The following MGAT4A variants were observed in gnomAD, a reference collection of about 807,000 sequenced individuals.
MGAT4A encodes alpha-1,3-mannosyl-glycoprotein 4-beta-N-acetylglucosaminyltransferase A.
MGAT4A carries 33 observed loss-of-function variants against 74.1 expected under a neutral mutation model. That is an observed-to-expected ratio of 0.45 (90% CI 0.34 to 0.60). The LOEUF (loss-of-function observed/expected upper bound fraction) is 0.60, where lower values mean the gene tolerates loss of function less well. Among genes scored for constraint, MGAT4A ranks in the 20% least tolerant of loss-of-function variants. The probability of loss-of-function intolerance (pLI) is 0.02; values close to 1 mark genes in which losing one functional copy is unlikely to be tolerated. For missense variants in MGAT4A, 479 were observed against 628.3 expected (o/e 0.76, Z 2.54); for synonymous variants, 198 against 210.4 (o/e 0.94, Z 0.51).
intron 8 of MGAT4A, among the ~76,000 whole-genome samples, chr2:98,653,718 T>G (rs75528547): frequency 0.016 from 2,371 of 152,288 alleles, 32 homozygotes; most frequent in Non-Finnish European, 0.024. Flanking sequence ...ACCAGAGAAC[T>G]TCACTGGAAA....
At chr2:98,704,583 G>A (rs901328826) in intron 2 of MGAT4A, among the ~76,000 whole-genome samples, 2 of 152,014 alleles carry the variant, frequency 1.3e-5, no homozygotes, top group Admixed American at 1.3e-4. Flanking sequence ...CCTCCAGCTT[G>A]GGACAGAGTG....
chr2:98,713,870 AATAAC>A (rs1486927668), intron 2 of MGAT4A, among the ~76,000 whole-genome samples: 2 of 152,256 alleles, frequency 1.3e-5, no homozygotes, highest in Non-Finnish European at 2.9e-5. Context: ...ATTATAAATA[AATAAC>A]ATAACCACAC....
Position 98,709,806 on chromosome 2 carries a change from C to T in MGAT4A, c.94+16433G>A, listed in dbSNP as rs1318558015. Among the ~76,000 whole-genome samples the T allele has an allele frequency of 2.4e-4, 37 of 152,146 alleles. 1 individual carries two copies. Among genetic ancestry groups the T allele is most frequent in the Admixed American group, 2.2e-3 (34 of 15,278 alleles). The stretch of plus-strand genomic sequence containing the variant: ...ATTCAAGCCATGACTGGCCATCTGC[C>T]ACAGCATAAAGCAAGAGATAAACTA... On this transcript the variant is annotated intron_variant, in intron 2 of 15. Transcript: ENST00000393487.
chr2:98,698,896 T>G (rs985894514), intron 2 of MGAT4A, among the ~76,000 whole-genome samples: 3 of 152,232 alleles, frequency 2.0e-5, no homozygotes, highest in Non-Finnish European at 2.9e-5. Context: ...TTTTATCTTG[T>G]TAACTACACT....
chr2:98,645,343 T>A, intron 9 of MGAT4A, 85 bp downstream of exon 9: 1 of 1,001,390 alleles, frequency 1.0e-6, no homozygotes. Flanking sequence ...AAAAAAGACA[T>A]CTTTAGGACA....
intron 13 of MGAT4A, among the ~76,000 whole-genome samples, chr2:98,636,079 A>G (rs1223315827): frequency 6.7e-6 from 1 of 149,304 alleles, no homozygotes; most frequent in Non-Finnish European, 1.5e-5. Context: ...TGCAACCTCC[A>G]CCTCCCAGGT....
Position 98,619,596 on chromosome 2 carries a change from T to C in MGAT4A, c.*5970A>G, listed in dbSNP as rs1701015835. The C allele has an allele frequency of 6.6e-6, 1 of 152,196 alleles. No homozygotes were observed. Among genetic ancestry groups the C allele is most frequent in the South Asian group, 2.1e-4 (1 of 4,836 alleles). 9.4% of individuals were successfully genotyped at this position (152,196 alleles called of 1,614,324 possible). On this transcript the variant is annotated 3_prime_UTR_variant, in exon 16 of 16. Coordinates refer to ENST00000393487, the MANE Select transcript of MGAT4A (RefSeq NM_012214.3). Reference sequence around the variant, plus strand: ...TTACTGCCTACACTGAAATGAAAAGTATCAAATCTACTGGCAGTGCATCTT... The same window carrying C: ...TTACTGCCTACACTGAAATGAAAAGCATCAAATCTACTGGCAGTGCATCTT...
chr2:98,721,750 G>A (rs2104335970), intron 2 of MGAT4A, among the ~76,000 whole-genome samples: 1 of 151,836 alleles, frequency 6.6e-6, no homozygotes, highest in East Asian at 1.9e-4. Flanking sequence ...ATACTCAAAA[G>A]TAGTGAAAAA....
intron 7 of MGAT4A, 40 bp downstream of exon 7, chr2:98,656,312 C>T (rs747560168): frequency 7.8e-7 from 1 of 1,277,230 alleles, no homozygotes; most frequent in South Asian, 1.3e-5. Flanking sequence ...TAAATATTTA[C>T]ACTCACAAGT....
chr2:98,644,729 G>A (rs891544986), intron 9 of MGAT4A, among the ~76,000 whole-genome samples: 2 of 151,520 alleles, frequency 1.3e-5, no homozygotes, highest in South Asian at 2.1e-4. Flanking sequence ...CACCTCCCCC[G>A]TTCAAGCAAT....
chr2:98,636,470 A>G, intron 13 of MGAT4A, 47 bp downstream of exon 13: 1 of 1,373,014 alleles, frequency 7.3e-7, no homozygotes, highest in Non-Finnish European at 1.0e-6. Context: ...AGCTAAGTCT[A>G]CTAGTATTAG....
At chr2:98,713,761 C>T (rs1223426358) in intron 2 of MGAT4A, among the ~76,000 whole-genome samples, 2 of 152,148 alleles carry the variant, frequency 1.3e-5, no homozygotes, top group African/African-American at 2.4e-5. Context: ...TGACTCAGAA[C>T]CAACATGTTT....
In MGAT4A at chr2:98,703,914, G is replaced by A. The variant is rs530888262; in HGVS notation, c.94+22325C>T. Among the ~76,000 whole-genome samples, 7 of 152,196 alleles carry A rather than the reference G, an allele frequency of 4.6e-5. No homozygotes were observed. In the South Asian group the frequency reaches 1.5e-3, roughly 32 times the overall value. On this transcript the variant is annotated intron_variant, in intron 2 of 15. Transcript: ENST00000393487. ...TCAGAGAGGCATTCTGTGACCACTC[G>A]CATCTAAACAGCCGTCATTCCCACC...
intron 8 of MGAT4A, among the ~76,000 whole-genome samples, chr2:98,652,327 A>ATT (rs70940120): frequency 1.9e-4 from 24 of 123,382 alleles, no homozygotes; most frequent in Middle Eastern, 4.2e-3. Flanking sequence ...TATCTCAACA[A>ATT]TTTTTTTTTT....
chr2:98,620,624 G>T lies in MGAT4A; in HGVS notation c.*4942C>A, dbSNP rs1354585704. On this transcript the variant is annotated 3_prime_UTR_variant, in exon 16 of 16. Transcript: ENST00000393487. ...GGCTGGCCCATACAGGATTTGATCTGTGCTAGATGATAAAAAGAGAAACTA... is the reference window on the plus strand; with the variant it reads ...GGCTGGCCCATACAGGATTTGATCTTTGCTAGATGATAAAAAGAGAAACTA... 1 of 152,140 alleles carries T rather than the reference G, an allele frequency of 6.6e-6. No individual in the cohort carries two copies. The highest frequency in any genetic ancestry group is 1.5e-5 in the Non-Finnish European group (1 of 68,028). The allele number at this position is 152,140 out of a possible 1,614,324, so 9.4% of individuals were successfully genotyped here.
intron 2 of MGAT4A, among the ~76,000 whole-genome samples, chr2:98,692,756 C>A (rs747039861): frequency 6.6e-6 from 1 of 152,122 alleles, no homozygotes; most frequent in Non-Finnish European, 1.5e-5. Context: ...AGGAGCAGTA[C>A]GTAGGTGTGT....
chr2:98,721,095 C>A (rs879333129), intron 2 of MGAT4A, among the ~76,000 whole-genome samples: 5 of 152,178 alleles, frequency 3.3e-5, no homozygotes, highest in African/African-American at 4.8e-5. Context: ...TAGCTGACTT[C>A]TCAGCAGAAA....
intron 2 of MGAT4A, among the ~76,000 whole-genome samples, chr2:98,714,919 G>C (rs1702570618): frequency 6.8e-6 from 1 of 147,604 alleles, no homozygotes; most frequent in Admixed American, 6.8e-5. Flanking sequence ...CCACCTCTGA[G>C]ACAATTTAAA....
intron 4 of MGAT4A, among the ~76,000 whole-genome samples, chr2:98,671,906 C>T (rs62157997): frequency 0.26 from 33,475 of 127,228 alleles, 4,618 homozygotes; most frequent in Middle Eastern, 0.42. Flanking sequence ...TGTACTTTGA[C>T]GATGAAGGAA....
Sources: allele counts gnomAD v4.1 joint callset (sites outside exome capture counted in the v4.1 genomes callset), GRCh38; gene constraint gnomAD v4.1.1; transcripts MANE v1.5; gene names NCBI Gene and HGNC (gene_info 2026-07-23, HGNC 2026-07-21).